Variants in P3H2 observed in about 807,000 individuals in gnomAD.
The protein encoded by P3H2 is prolyl 3-hydroxylase 2.
A neutral mutation model predicts 87.0 loss-of-function variants in P3H2; 80 were observed. The ratio of observed to expected loss-of-function variants is 0.92; its 90% CI spans 0.77 to 1.11. The LOEUF is 1.11. Ranked by LOEUF, P3H2 falls within the 50% of genes least tolerant of loss-of-function variation. The pLI is 0.00. For synonymous variants in P3H2, 367 were observed against 359.3 expected, an observed-to-expected ratio of 1.02 and a Z score of -0.24; for missense variants, 1,001 against 923.9, an observed-to-expected ratio of 1.08 and a Z score of -1.08.
chr3:190,085,322 T>C (rs1487300772), intron 1 of P3H2, among the ~76,000 whole-genome samples: 1 of 152,196 alleles, frequency 6.6e-6, no homozygotes, highest in Non-Finnish European at 1.5e-5. Context: ...AAGGTCAAAA[T>C]TATGACATTT....
At chr3:190,060,206 C>T (rs976951613) in intron 1 of P3H2, among the ~76,000 whole-genome samples, 2 of 151,976 alleles carry the variant, frequency 1.3e-5, no homozygotes, top group African/African-American at 4.8e-5. Flanking sequence ...TCCTAAAATG[C>T]CTGGATGTTA....
intron 13 of P3H2, chr3:189,969,669 G>T: frequency 4.0e-6 from 5 of 1,235,592 alleles, no homozygotes; most frequent in Non-Finnish European, 3.6e-6. Flanking sequence ...AGGATGGTGT[G>T]CTGCCTCCCA....
chr3:189,989,880 A>G (rs545032712), intron 3 of P3H2, among the ~76,000 whole-genome samples: 5 of 152,292 alleles, frequency 3.3e-5, no homozygotes, highest in African/African-American at 9.6e-5. Context: ...AGGAAACACA[A>G]GTGGTGAATG....
intron 1 of P3H2, among the ~76,000 whole-genome samples, chr3:190,080,936 T>A (rs193086695): frequency 6.6e-6 from 1 of 152,180 alleles, no homozygotes; most frequent in Non-Finnish European, 1.5e-5. Flanking sequence ...TCACAGACAA[T>A]AATTTACTTC....
At chr3:190,106,809 A>T (rs1711856115) in intron 1 of P3H2, among the ~76,000 whole-genome samples, 1 of 152,220 alleles carries the variant, frequency 6.6e-6, no homozygotes, top group Non-Finnish European at 1.5e-5. Context: ...CAGACACATT[A>T]TTTAATCTTT....
intron 1 of P3H2, among the ~76,000 whole-genome samples, chr3:190,082,638 T>G (rs1299764044): frequency 1.3e-5 from 2 of 152,182 alleles, no homozygotes; most frequent in African/African-American, 4.8e-5. Context: ...CTCCCTACCA[T>G]ACTATTGAAT....
intron 1 of P3H2, among the ~76,000 whole-genome samples, chr3:190,023,676 A>G (rs1560366946): frequency 2.6e-5 from 4 of 152,214 alleles, no homozygotes; most frequent in Admixed American, 2.0e-4. Context: ...GTGGGGACAC[A>G]AAACCTAACC....
chr3:190,097,593 A>C (rs1475576061), intron 1 of P3H2, among the ~76,000 whole-genome samples: 1 of 152,044 alleles, frequency 6.6e-6, no homozygotes, highest in East Asian at 1.9e-4. Context: ...CATATCTACA[A>C]AGTCTTACTT....
At chr3:189,996,620 T>C (rs1254063545) in intron 1 of P3H2, among the ~76,000 whole-genome samples, 1 of 152,204 alleles carries the variant, frequency 6.6e-6, no homozygotes. Context: ...TTTAATGATG[T>C]CACCAACATA....
In P3H2 at chr3:189,957,041, G is replaced by C. The variant is rs1399353155; in HGVS notation, c.*871C>G. 1 of 398,306 alleles carries C rather than the reference G, an allele frequency of 2.5e-6. No homozygotes were observed. The highest frequency in any genetic ancestry group is 2.1e-5 in the African/African-American group (1 of 48,616). The allele number at this position is 398,306 out of a possible 1,614,324, so 24.7% of individuals were successfully genotyped here. A position where few individuals can be genotyped will look rare whatever the true frequency, so the allele number is the denominator to read the frequency against. ...AACTTATAGGACAGTCCTTTCTGGA[G>C]TACTGTGGAGGGTGAATCAAAGCTT... On this transcript the variant is annotated 3_prime_UTR_variant, in exon 15 of 15. Coordinates refer to ENST00000319332, the MANE Select transcript of P3H2 (RefSeq NM_018192.4).
intron 1 of P3H2, among the ~76,000 whole-genome samples, chr3:190,062,416 T>G (rs189575712): frequency 6.8e-4 from 103 of 152,258 alleles, no homozygotes; most frequent in African/African-American, 2.4e-3. Flanking sequence ...GCACAGAATA[T>G]CCCCATTTAA....
intron 1 of P3H2, among the ~76,000 whole-genome samples, chr3:190,024,566 GA>G (rs954004940): frequency 4.4e-5 from 6 of 136,598 alleles, no homozygotes; most frequent in Admixed American, 7.3e-5. Context: ...AAGAAAGAAA[GA>G]AAAAAAATTG....
At chr3:189,975,047 C>T (rs961802147) in intron 8 of P3H2, among the ~76,000 whole-genome samples, 6 of 152,144 alleles carry the variant, frequency 3.9e-5, no homozygotes, top group Non-Finnish European at 8.8e-5. Flanking sequence ...ATACCTCTGT[C>T]GCAACACCAC....
intron 1 of P3H2, among the ~76,000 whole-genome samples, chr3:190,049,531 C>A (rs1232385302): frequency 6.6e-6 from 1 of 152,156 alleles, no homozygotes; most frequent in Admixed American, 6.5e-5. Flanking sequence ...GCTTTCATGA[C>A]ATCTCTATGG....
At chr3:190,039,270 T>C (rs1725525893) in intron 1 of P3H2, among the ~76,000 whole-genome samples, 1 of 151,850 alleles carries the variant, frequency 6.6e-6, no homozygotes, top group Non-Finnish European at 1.5e-5. Context: ...CCTCCACTAA[T>C]AGTAACAGAA....
At chr3:190,078,911 G>A (rs567870458) in intron 1 of P3H2, among the ~76,000 whole-genome samples, 1 of 152,326 alleles carries the variant, frequency 6.6e-6, no homozygotes, top group African/African-American at 2.4e-5. Flanking sequence ...GGAAGTGCAG[G>A]AGGGTGAAAG....
rs1356094340 is a variant in P3H2 at position 189,966,129 on chromosome 3, AAGAAAGAAAGAAAG to A, written c.1894-2045_1894-2032del. 8.4e-4 allele frequency among the ~76,000 whole-genome samples: 47 copies of A among 56,280 alleles called. 1 individual carries two copies. The highest frequency in any genetic ancestry group is 2.4e-3 in the African/African-American group (46 of 18,986). 36.9% of individuals were successfully genotyped at this position (56,280 alleles called of 152,430 possible). A position where few individuals can be genotyped will look rare whatever the true frequency, so the allele number is the denominator to read the frequency against. On this transcript the variant is annotated intron_variant, in intron 13 of 14. Coordinates refer to ENST00000319332, the MANE Select transcript of P3H2 (RefSeq NM_018192.4). Reference sequence around the variant, plus strand: ...AAAAAGAAAGAAAGAAAGAAAAAGAAAGAAAGAAAGAAAGAAAGAAAGAAAGAAAGAAAGAAAGA... The same window carrying A: ...AAAAAGAAAGAAAGAAAGAAAAAGAAAAAGAAAGAAAGAAAGAAAGAAAGA...
At chr3:189,975,164 G>A (rs773299390) in intron 8 of P3H2, among the ~76,000 whole-genome samples, 3 of 121,616 alleles carry the variant, frequency 2.5e-5, no homozygotes, top group Non-Finnish European at 5.4e-5. Flanking sequence ...CAAGTCACTT[G>A]ACTCTGCCTC....
chr3:190,120,634 T>A lies in P3H2; in HGVS notation c.98A>T (p.Glu33Val). Residue 33 changes from glutamate (E) to valine (V), a missense_variant, in exon 1 of 15, where the codon GAG becomes GTG. Glu to Val is a moderately radical substitution (Grantham distance 121). Transcript: ENST00000319332. ...WGGPPDSPRR[E>V]LELEPGPLQP... ...CAGAGGCCCGGGCTCCAGCTCCAGC[T>A]CCCGGCGTGGGCTGTCCGGGGGGCC... is the stretch of plus-strand genomic sequence containing the variant. 6.5e-7 allele frequency: 1 copy of A among 1,530,450 alleles called. No individual in the cohort carries two copies. The highest frequency in any genetic ancestry group is 8.7e-7 in the Non-Finnish European group (1 of 1,146,774). 94.8% of individuals were successfully genotyped at this position (1,530,450 alleles called of 1,614,324 possible).
Sources: gnomAD v4.1 joint callset for allele counts (sites outside exome capture counted in the v4.1 genomes callset) on GRCh38, gnomAD v4.1.1 for gene constraint, MANE v1.5 for transcripts, NCBI Gene and HGNC (gene_info 2026-07-23, HGNC 2026-07-21) for gene names.